Variants in PKD2L2 observed in about 807,000 individuals in gnomAD.
The protein encoded by PKD2L2 is polycystin-2-like protein 2.
In PKD2L2, 67 loss-of-function variants were observed where a neutral mutation model predicts 83.9. The observed-to-expected ratio is 0.80, with a 90% confidence interval of 0.66 to 0.98. The LOEUF (loss-of-function observed/expected upper bound fraction) is 0.98. Ranked by LOEUF, PKD2L2 falls within the 50% of genes least tolerant of loss-of-function variation. The pLI is 0.00. For synonymous variants in PKD2L2, 223 were observed against 237.8 expected, an observed-to-expected ratio of 0.94 and a Z score of 0.57; for missense variants, 632 against 717.2, an observed-to-expected ratio of 0.88 and a Z score of 1.36.
At chr5:137,919,215 TACA>T (rs1758667600) in intron 8 of PKD2L2, among the ~76,000 whole-genome samples, 1 of 152,166 alleles carries the variant, frequency 6.6e-6, no homozygotes, top group Non-Finnish European at 1.5e-5. Context: ...ATCAAAAAGT[TACA>T]AAACAGTATT....
intron 10 of PKD2L2, 51 bp downstream of exon 10, chr5:137,923,572 T>C (rs745520922): frequency 1.2e-6 from 1 of 866,276 alleles, no homozygotes; most frequent in South Asian, 1.3e-5. Context: ...CCTCATATAG[T>C]TTATCCTCTT....
rs747549115 is a variant in PKD2L2, at chr5:137,906,205, G to T, written c.747-1G>T. On this transcript the variant is annotated splice_acceptor_variant, in intron 5 of 14. Transcript: ENST00000508883. LOFTEE classifies it high-confidence loss of function. ...TTGCTTTCACAAACCTGATTTTACA[G>T]ATTGGTGGCAGAATTCCCTGCAACT... 7 of 1,583,334 alleles carry T rather than the reference G, an allele frequency of 4.4e-6. No individual in the cohort carries two copies. The highest frequency in any genetic ancestry group is 1.7e-6 in the Non-Finnish European group (2 of 1,158,954).
chr5:137,889,481 G>C lies in PKD2L2; in HGVS notation c.-11G>C. 1 of 1,575,564 alleles carries C rather than the reference G, an allele frequency of 6.3e-7. No homozygotes were observed. Among genetic ancestry groups the C allele is most frequent in the Admixed American group, 1.9e-5 (1 of 53,258 alleles). ...CAGGCGAACGAACGGGCGGTGTAGTGCAGGTCCGCCATGGCTGAGGCGTCA... is the reference window on the plus strand; with the variant it reads ...CAGGCGAACGAACGGGCGGTGTAGTCCAGGTCCGCCATGGCTGAGGCGTCA... On this transcript the variant is annotated 5_prime_UTR_variant, in exon 1 of 15. Transcript: ENST00000508883.
chr5:137,913,666 T>G (rs568997173), intron 8 of PKD2L2, among the ~76,000 whole-genome samples: 15 of 151,912 alleles, frequency 9.9e-5, no homozygotes, highest in African/African-American at 3.6e-4. Context: ...AATTTTTGTA[T>G]TTTTAGTAGA....
intron 8 of PKD2L2, among the ~76,000 whole-genome samples, chr5:137,915,184 G>A (rs961240380): frequency 2.0e-5 from 3 of 152,004 alleles, no homozygotes; most frequent in Admixed American, 6.6e-5. Context: ...GGAAGAGTTC[G>A]AAGATTGGCA....
rs570592321 is a variant in PKD2L2 at position 137,929,188 on chromosome 5, G to A, written c.1671+3259G>A. ...AAAAGATACACAAAGATGGCCGGGC[G>A]CAATGGCTCATGCCTGTAATTCCAG... On this transcript the variant is annotated intron_variant, in intron 12 of 14. Transcript: ENST00000508883. Among the ~76,000 whole-genome samples, 9 of 152,208 alleles carry A rather than the reference G, an allele frequency of 5.9e-5. No homozygotes were observed. The South Asian group carries it at 1.0e-3, about 18-fold the overall frequency.
At chr5:137,893,002 G>C (rs1231712671) in intron 3 of PKD2L2, among the ~76,000 whole-genome samples, 1 of 152,026 alleles carries the variant, frequency 6.6e-6, no homozygotes. Flanking sequence ...CCGGGAGGTG[G>C]AGGTTACAGT....
chr5:137,923,765 A>G (rs918104218), intron 10 of PKD2L2, among the ~76,000 whole-genome samples: 7 of 152,190 alleles, frequency 4.6e-5, no homozygotes, highest in Non-Finnish European at 8.8e-5. Context: ...AGAGTTCAAT[A>G]TATCAAATAG....
chr5:137,926,797 C>T (rs926298575), intron 12 of PKD2L2, among the ~76,000 whole-genome samples: 2 of 152,132 alleles, frequency 1.3e-5, no homozygotes, highest in African/African-American at 4.8e-5. Flanking sequence ...AATGTTTTAA[C>T]CTGGATCAAA....
intron 7 of PKD2L2, 117 bp from the exon 8 acceptor site, chr5:137,908,648 C>T (rs1237605680): frequency 3.4e-6 from 2 of 593,426 alleles, no homozygotes; most frequent in Admixed American, 6.9e-5. Context: ...CTCAAACACC[C>T]ATGATTATCA....
At position 137,907,809 on chromosome 5, in the gene PKD2L2, T is replaced by C; in HGVS notation, c.1043T>C (p.Leu348Pro). 1.9e-6 allele frequency: 3 copies of C among 1,586,468 alleles called. No individual in the cohort carries two copies. The highest frequency in any genetic ancestry group is 2.6e-6 in the Non-Finnish European group (3 of 1,158,522). Residue 348 changes from leucine (L) to proline (P), a missense_variant, in exon 7 of 15, where the codon CTG becomes CCG. Physicochemically the swap from Leu to Pro is moderately conservative, Grantham distance 98. Coordinates refer to ENST00000508883, the MANE Select transcript of PKD2L2 (RefSeq NM_001300921.2). ...CAAATTTTTCTCTTACTTGGACAGC[T>C]GTTGAAAAGTACTGAAAAATATTCA... ...NVQIFLLLGQLLKSTEKYSDF... is the reference protein window; with the variant it reads ...NVQIFLLLGQPLKSTEKYSDF...
At chr5:137,927,462 T>G (rs913587779) in intron 12 of PKD2L2, among the ~76,000 whole-genome samples, 4 of 152,226 alleles carry the variant, frequency 2.6e-5, no homozygotes, top group Non-Finnish European at 5.9e-5. Context: ...AAATGATATG[T>G]CAAGTAAATA....
chr5:137,935,114 C>A (rs1339231742), intron 12 of PKD2L2, among the ~76,000 whole-genome samples: 1 of 152,210 alleles, frequency 6.6e-6, no homozygotes, highest in Non-Finnish European at 1.5e-5. Flanking sequence ...GGTTTTGAAT[C>A]ACATCTGGGT....
intron 5 of PKD2L2, 24 bp from the exon 6 acceptor site, chr5:137,906,182 G>C: frequency 7.2e-7 from 1 of 1,386,356 alleles, no homozygotes; most frequent in Non-Finnish European, 1.0e-6. Flanking sequence ...ATGAACAGTT[G>C]CTTTCACAAA....
At chr5:137,892,443 A>T in intron 2 of PKD2L2, 37 bp from the exon 3 acceptor site, 1 of 1,237,426 alleles carries the variant, frequency 8.1e-7, no homozygotes, top group Non-Finnish European at 1.1e-6. Context: ...CTGAGTTTTT[A>T]AATGTAAATT....
At chr5:137,934,249 A>C (rs753559912) in intron 12 of PKD2L2, among the ~76,000 whole-genome samples, 2 of 152,174 alleles carry the variant, frequency 1.3e-5, no homozygotes, top group African/African-American at 2.4e-5. Flanking sequence ...TTATGAGGAA[A>C]GGTACCACTT....
intron 5 of PKD2L2, among the ~76,000 whole-genome samples, chr5:137,902,321 G>A (rs1043547822): frequency 6.6e-6 from 1 of 151,752 alleles, no homozygotes; most frequent in African/African-American, 2.4e-5. Context: ...AAATTACTAT[G>A]TAAAATCTGT....
intron 4 of PKD2L2, among the ~76,000 whole-genome samples, chr5:137,897,904 A>G (rs1009938083): frequency 3.9e-5 from 6 of 152,134 alleles, no homozygotes; most frequent in Non-Finnish European, 8.8e-5. Flanking sequence ...ATGAGGAATC[A>G]AAGCTTTCTT....
At chr5:137,909,065 G>T in intron 8 of PKD2L2, 119 bp downstream of exon 8, 1 of 611,396 alleles carries the variant, frequency 1.6e-6, no homozygotes, top group Non-Finnish European at 2.8e-6. Context: ...AACTTAGTTT[G>T]ATATTTTCTT....
Sources: allele counts gnomAD v4.1 joint callset (sites outside exome capture counted in the v4.1 genomes callset), GRCh38; gene constraint gnomAD v4.1.1; transcripts MANE v1.5; gene names NCBI Gene and HGNC (gene_info 2026-07-23, HGNC 2026-07-21).